Variants in SORCS3 observed in about 807,000 individuals in gnomAD.
SORCS3 encodes VPS10 domain-containing receptor SorCS3.
Under a neutral mutation model 146.3 loss-of-function variants are expected in SORCS3, and 57 were observed. That is an observed-to-expected ratio of 0.39 (90% CI 0.31 to 0.49). SORCS3 has a LOEUF of 0.49. Ranked by LOEUF, SORCS3 falls within the 20% of genes least tolerant of loss-of-function variation. SORCS3 has a pLI of 0.92. For missense variants in SORCS3, 1,341 were observed against 1,575.5 expected, an observed-to-expected ratio of 0.85 and a Z score of 2.52; for synonymous variants, 653 against 618.5, an observed-to-expected ratio of 1.06 and a Z score of -0.83.
At chr10:104,985,244 A>G (rs1008507667) in intron 4 of SORCS3, among the ~76,000 whole-genome samples, 10 of 152,154 alleles carry the variant, frequency 6.6e-5, no homozygotes, top group Non-Finnish European at 1.0e-4. Flanking sequence ...CATTTCAACA[A>G]TGTTTACAGC....
chr10:105,149,024 C>G lies in SORCS3; in HGVS notation c.1482+1228C>G, dbSNP rs553452890. On this transcript the variant is annotated intron_variant, in intron 9 of 26. Transcript: ENST00000369701. ...TTTAAAGTGTGGAACTTCCTCACTT[C>G]CTCTCTCTCTCCTGCCACTATGTAA... Among the ~76,000 whole-genome samples the G allele has an allele frequency of 3.9e-5, 6 of 152,128 alleles. No homozygotes were observed. In the South Asian group the frequency reaches 1.2e-3, roughly 32 times the overall value.
chr10:104,837,126 G>A (rs1366890529), intron 1 of SORCS3, among the ~76,000 whole-genome samples: 1 of 152,090 alleles, frequency 6.6e-6, no homozygotes, highest in Non-Finnish European at 1.5e-5. Context: ...AAAGGACCTT[G>A]TATAGTACCT....
intron 3 of SORCS3, among the ~76,000 whole-genome samples, chr10:104,953,159 C>T (rs1191036903): frequency 2.0e-5 from 3 of 152,220 alleles, no homozygotes; most frequent in Non-Finnish European, 4.4e-5. Flanking sequence ...ATGATTAGTT[C>T]TGCCTCAATG....
intron 3 of SORCS3, among the ~76,000 whole-genome samples, chr10:104,942,744 A>G (rs1012137694): frequency 4.6e-5 from 7 of 152,244 alleles, no homozygotes; most frequent in Non-Finnish European, 8.8e-5. Flanking sequence ...ATACCCATTC[A>G]TGATAATAAC....
At chr10:105,084,952 G>C (rs527574926) in intron 5 of SORCS3, among the ~76,000 whole-genome samples, 10 of 152,020 alleles carry the variant, frequency 6.6e-5, no homozygotes, top group African/African-American at 2.4e-4. Flanking sequence ...GGATGGTCTC[G>C]ATCTCCTGAC....
chr10:105,139,541 A>G, intron 8 of SORCS3, 55 bp downstream of exon 8: 1 of 1,392,956 alleles, frequency 7.2e-7, no homozygotes, highest in Non-Finnish European at 1.0e-6. Flanking sequence ...GGAGGGTTGG[A>G]GAGGCTGCTT....
At chr10:104,888,986 A>G (rs998448928) in intron 2 of SORCS3, among the ~76,000 whole-genome samples, 1 of 152,184 alleles carries the variant, frequency 6.6e-6, no homozygotes, top group African/African-American at 2.4e-5. Flanking sequence ...TGGATGCATA[A>G]ACATTAGGAT....
chr10:105,127,699 C>A (rs1270568757), intron 7 of SORCS3, among the ~76,000 whole-genome samples: 1 of 152,064 alleles, frequency 6.6e-6, no homozygotes, highest in Non-Finnish European at 1.5e-5. Context: ...CAAGAGACCC[C>A]AAAAGGACCT....
chr10:104,837,196 C>G (rs2018080754), intron 1 of SORCS3, among the ~76,000 whole-genome samples: 1 of 152,166 alleles, frequency 6.6e-6, no homozygotes, highest in Admixed American at 6.5e-5. Context: ...GACCTGATTT[C>G]TGACCTCAAG....
chr10:105,252,752 T>C (rs781517320), intron 22 of SORCS3, 23 bp from the exon 23 acceptor site: 30 of 1,613,590 alleles, frequency 1.9e-5, no homozygotes, highest in African/African-American at 4.0e-5. Flanking sequence ...CCACAGCCTC[T>C]CTTTGTCTGA....
chr10:105,243,955 G>T (rs975724229), intron 20 of SORCS3, among the ~76,000 whole-genome samples: 7 of 152,244 alleles, frequency 4.6e-5, no homozygotes, highest in Non-Finnish European at 8.8e-5. Flanking sequence ...TGGGTATGTT[G>T]TGAAGGACTG....
intron 1 of SORCS3, among the ~76,000 whole-genome samples, chr10:104,768,717 A>C (rs1439264761): frequency 6.6e-6 from 1 of 152,180 alleles, no homozygotes; most frequent in Admixed American, 6.5e-5. Context: ...CAGAAGCTTC[A>C]CAAGTCAGAG....
chr10:104,728,624 C>T (rs144444915), intron 1 of SORCS3, among the ~76,000 whole-genome samples: 1,894 of 152,250 alleles, frequency 0.012, 32 homozygotes, highest in African/African-American at 0.038. Flanking sequence ...TGAATCCTGC[C>T]TCAGGCTCAA....
intron 2 of SORCS3, among the ~76,000 whole-genome samples, chr10:104,859,267 A>G (rs1282612441): frequency 2.0e-5 from 3 of 152,158 alleles, no homozygotes; most frequent in Non-Finnish European, 2.9e-5. Flanking sequence ...AATGCCGCAT[A>G]TCTACAACTA....
At chr10:104,783,130 A>G (rs1028605568) in intron 1 of SORCS3, among the ~76,000 whole-genome samples, 1 of 152,182 alleles carries the variant, frequency 6.6e-6, no homozygotes, top group Non-Finnish European at 1.5e-5. Context: ...TTCCTCTTAT[A>G]AGACAGCCTT....
At chr10:105,229,649 T>C (rs1231360930) in intron 20 of SORCS3, among the ~76,000 whole-genome samples, 1 of 152,218 alleles carries the variant, frequency 6.6e-6, no homozygotes, top group East Asian at 1.9e-4. Context: ...GTGATTCCCT[T>C]GCTGGATTGG....
chr10:105,237,898 T>A (rs764313491), intron 20 of SORCS3, among the ~76,000 whole-genome samples: 4 of 152,220 alleles, frequency 2.6e-5, no homozygotes, highest in Admixed American at 2.0e-4. Flanking sequence ...TTTGTGTTGG[T>A]GTGACTAGGT....
In SORCS3 at chr10:104,953,821, G is replaced by A. The variant is rs951793371; in HGVS notation, c.796-23514G>A. Among the ~76,000 whole-genome samples the A allele has an allele frequency of 3.3e-5, 5 of 152,318 alleles. No individual in the cohort carries two copies. In the South Asian group the frequency reaches 1.0e-3, roughly 32 times the overall value. ...AAAAAGATAAATCAGGCTAATTACT[G>A]TTCTCAGAGACATCATAGTCTGATG... On this transcript the variant is annotated intron_variant, in intron 3 of 26. Coordinates refer to ENST00000369701, the MANE Select transcript of SORCS3 (RefSeq NM_014978.3).
At chr10:105,121,458 T>A (rs1169462695) in intron 7 of SORCS3, among the ~76,000 whole-genome samples, 3 of 152,192 alleles carry the variant, frequency 2.0e-5, no homozygotes, top group African/African-American at 7.2e-5. Context: ...CAGGGCTGTC[T>A]GGGTTTATAA....
Sources: gnomAD v4.1 joint callset for allele counts (sites outside exome capture counted in the v4.1 genomes callset) on GRCh38, gnomAD v4.1.1 for gene constraint, MANE v1.5 for transcripts, NCBI Gene and HGNC (gene_info 2026-07-23, HGNC 2026-07-21) for gene names.